Variants in TRPM6 observed in about 807,000 individuals in gnomAD.
The protein encoded by TRPM6 is channel kinase 2.
A neutral mutation model predicts 247.6 loss-of-function variants in TRPM6; 111 were observed. The ratio of observed to expected loss-of-function variants is 0.45; its 90% CI spans 0.38 to 0.52. The LOEUF (loss-of-function observed/expected upper bound fraction) is 0.52. Among genes scored for constraint, TRPM6 ranks in the 20% least tolerant of loss-of-function variants. TRPM6 has a pLI of 0.00. For missense variants in TRPM6, 2,126 were observed against 2,421.5 expected, an observed-to-expected ratio of 0.88 and a Z score of 2.56; for synonymous variants, 892 against 853.8, an observed-to-expected ratio of 1.04 and a Z score of -0.78.
intron 30 of TRPM6, 143 bp from the exon 31 acceptor site, chr9:74,748,057 G>C (rs1826112844): frequency 1.3e-6 from 1 of 758,184 alleles, no homozygotes; most frequent in African/African-American, 1.8e-5. Flanking sequence ...GTCATGTACT[G>C]CCTAATGATG....
Position 74,745,894 on chromosome 9 carries a change from G to T in TRPM6, c.5084-1749C>A, listed in dbSNP as rs78107772. 7.5e-3 allele frequency among the ~76,000 whole-genome samples: 1,139 copies of T among 152,252 alleles called. 16 individuals are homozygous for T. The highest frequency in any genetic ancestry group is 0.026 in the African/African-American group (1,075 of 41,556). ...TGTTTCTGGAAAAAAGACTACTAGA[G>T]AACAATAGTTTGGAGGCCATACTAT... is the stretch of plus-strand genomic sequence containing the variant. On this transcript the variant is annotated intron_variant, in intron 31 of 38. Coordinates refer to ENST00000360774, the MANE Select transcript of TRPM6 (RefSeq NM_017662.5).
chr9:74,832,224 C>T (rs368604562), intron 6 of TRPM6, among the ~76,000 whole-genome samples: 12 of 152,162 alleles, frequency 7.9e-5, no homozygotes, highest in East Asian at 7.7e-4. Flanking sequence ...CTCTTCAGAA[C>T]AAATGACCCA....
At chr9:74,726,285 G>A (rs1408517859) in intron 38 of TRPM6, among the ~76,000 whole-genome samples, 2 of 152,122 alleles carry the variant, frequency 1.3e-5, no homozygotes, top group East Asian at 1.9e-4. Flanking sequence ...CAAGGCAGGT[G>A]GATAACCTGA....
chr9:74,788,587 A>T (rs749348211), intron 20 of TRPM6, 27 bp downstream of exon 20: 1 of 1,613,496 alleles, frequency 6.2e-7, no homozygotes, highest in Non-Finnish European at 8.5e-7. Flanking sequence ...ACATATGCAG[A>T]AGATAAAGGT....
chr9:74,795,054 C>T (rs1402632013), intron 18 of TRPM6, among the ~76,000 whole-genome samples: 2 of 152,036 alleles, frequency 1.3e-5, no homozygotes, highest in Non-Finnish European at 2.9e-5. Context: ...TGTGATTTAT[C>T]GACCTGTCTA....
chr9:74,762,632 C>T lies in TRPM6; in HGVS notation c.4039G>A (p.Val1347Ile). 1 of 1,614,122 alleles carries T rather than the reference C, an allele frequency of 6.2e-7. No homozygotes were observed. Among genetic ancestry groups the T allele is most frequent in the South Asian group, 1.1e-5 (1 of 91,084 alleles). Residue 1347 changes from valine to isoleucine, a missense_variant, in exon 26 of 39, where the codon GTC becomes ATC. Physicochemically the swap from Val to Ile is conservative, Grantham distance 29. Transcript: ENST00000360774. ...AHSKYGQFLL[V>I]PSNLKRVPFS... ...GGAACTCGCTTTAGATTAGAGGGGA[C>T]CAGAAGAAACTGGCCATACTTTGAG...
chr9:74,863,863 G>C (rs550105707), intron 1 of TRPM6, among the ~76,000 whole-genome samples: 66 of 151,420 alleles, frequency 4.4e-4, no homozygotes, highest in African/African-American at 1.6e-3. Context: ...TGGGATTACA[G>C]GCATGAGCCA....
chr9:74,857,551 A>T (rs1830564091), intron 2 of TRPM6: 1 of 152,124 alleles, frequency 6.6e-6, no homozygotes, highest in African/African-American at 2.4e-5. Context: ...CCTATCTTTC[A>T]CTAGTTGCTT....
intron 3 of TRPM6, among the ~76,000 whole-genome samples, chr9:74,846,556 T>C (rs72730967): frequency 1.2e-3 from 189 of 152,246 alleles, no homozygotes; most frequent in Admixed American, 2.4e-3. Flanking sequence ...TTTTCTTTTT[T>C]TTGTGAAACA....
At chr9:74,756,571 A>C (rs1826434452) in intron 27 of TRPM6, among the ~76,000 whole-genome samples, 1 of 151,106 alleles carries the variant, frequency 6.6e-6, no homozygotes, top group Non-Finnish European at 1.5e-5. Context: ...GGCCAGGCAC[A>C]GTGGTTCACA....
chr9:74,853,831 G>A lies in TRPM6; in HGVS notation c.152+1696C>T, dbSNP rs548615221. On this transcript the variant is annotated intron_variant, in intron 3 of 38. Transcript: ENST00000360774. ...ATGACCCTGCCAAATCCCCCTCTCC[G>A]AGAAACACCCAAGAATGATCAATAA... Among the ~76,000 whole-genome samples, 8 of 151,376 alleles carry A rather than the reference G, an allele frequency of 5.3e-5. No homozygotes were observed. The South Asian group carries it at 6.3e-4, about 12-fold the overall frequency.
In TRPM6 at chr9:74,810,826, C is replaced by A; in HGVS notation, c.1486G>T (p.Asp496Tyr). 1 of 1,613,770 alleles carries A rather than the reference C, an allele frequency of 6.2e-7. No individual in the cohort carries two copies. The highest frequency in any genetic ancestry group is 8.5e-7 in the Non-Finnish European group (1 of 1,179,824). Residue 496 changes from aspartate (D) to tyrosine (Y), a missense_variant, in exon 13 of 39, where the codon GAT (aspartate) becomes TAT (tyrosine). By Grantham distance (160) the Asp-to-Tyr change is radical. Transcript: ENST00000360774. ...CTTAATTAGGTTACCTGTTTCACAT[C>A]TTGGACGAGATGATGCAAGAGTGTA... ...TNTLLHHLVQ[D>Y]VKQHTLLSGY...
At chr9:74,792,813 CTAAAA>C (rs1564017081) in intron 18 of TRPM6, 43 bp from the exon 19 acceptor site, 2 of 1,574,698 alleles carry the variant, frequency 1.3e-6, no homozygotes, top group African/African-American at 1.3e-5. Context: ...AGCAGCTTAA[CTAAAA>C]TAGTGACAAG....
intron 23 of TRPM6, among the ~76,000 whole-genome samples, chr9:74,777,747 T>C (rs777894411): frequency 2.0e-5 from 3 of 151,950 alleles, no homozygotes; most frequent in Middle Eastern, 3.2e-3. Flanking sequence ...CTACAGAAAA[T>C]AGACGTAGCT....
In TRPM6 at chr9:74,728,256, C is replaced by T. The variant is rs771769787; in HGVS notation, c.5918G>A (p.Arg1973Gln). The T allele has an allele frequency of 3.0e-5, 48 of 1,613,776 alleles. 1 individual carries two copies. The highest frequency in any genetic ancestry group is 1.6e-4 in the Middle Eastern group (1 of 6,084). The change falls in exon 38 of 39, where the codon CGG becomes CAG. Residue 1973 changes from arginine (R) to glutamine (Q), a missense_variant. By Grantham distance (43) the Arg-to-Gln change is conservative (BLOSUM62 1). Coordinates refer to ENST00000360774, the MANE Select transcript of TRPM6 (RefSeq NM_017662.5). Reference protein sequence around the residue: ...IAKHHCNSCCRKLKLPDLKRN... With the variant: ...IAKHHCNSCCQKLKLPDLKRN... ...TGGCATACCCGGGAGTTTGAGCTTC[C>T]GGCAGCAGGAGTTACAATGATGTTT...
intron 3 of TRPM6, among the ~76,000 whole-genome samples, chr9:74,849,495 G>T (rs921014798): frequency 4.6e-5 from 7 of 152,104 alleles, no homozygotes; most frequent in African/African-American, 1.7e-4. Context: ...CAATAAGAAG[G>T]TGGCCATCTG....
chr9:74,802,101 A>G lies in TRPM6; in HGVS notation c.1806T>C (p.Thr602=). 1.2e-6 allele frequency: 2 copies of G among 1,614,186 alleles called. No homozygotes were observed. The highest frequency in any genetic ancestry group is 1.7e-6 in the Non-Finnish European group (2 of 1,180,026). Residue 602 remains threonine, a synonymous_variant, in exon 16 of 39, where the codon ACT becomes ACC. Transcript: ENST00000360774. ...GGTCATTGTAAGGGTAAAGAAAGCC[A>G]GTAGACTCAGGGTCATCTGATACAT... is the stretch of plus-strand genomic sequence containing the variant. ...EQNVSDDPES[T]GFLYPYNDLL...
chr9:74,771,918 T>C, intron 24 of TRPM6, 83 bp from the exon 25 acceptor site: 2 of 1,283,570 alleles, frequency 1.6e-6, no homozygotes, highest in Non-Finnish European at 2.2e-6. Flanking sequence ...GTATTGAAAA[T>C]GAGAAACTAT....
chr9:74,736,778 TA>T (rs1825710106), intron 36 of TRPM6, among the ~76,000 whole-genome samples: 1 of 152,232 alleles, frequency 6.6e-6, no homozygotes, highest in East Asian at 1.9e-4. Flanking sequence ...AGAATAAAGT[TA>T]ATTCTCTTTT....
Sources: gnomAD v4.1 joint callset for allele counts (sites outside exome capture counted in the v4.1 genomes callset) on GRCh38, gnomAD v4.1.1 for gene constraint, MANE v1.5 for transcripts, NCBI Gene and HGNC (gene_info 2026-07-23, HGNC 2026-07-21) for gene names.